SNX9: variants seen among roughly 807,000 people sequenced by gnomAD.
The protein encoded by SNX9 is sorting nexin-9.
SNX9 carries 44 observed loss-of-function variants against 89.4 expected under a neutral mutation model. That is an observed-to-expected ratio of 0.49 (90% CI 0.39 to 0.63). The LOEUF (loss-of-function observed/expected upper bound fraction) is 0.63, where lower values mean the gene tolerates loss of function less well. SNX9 is among the 30% of genes least tolerant of loss of function. The pLI is 0.00. For synonymous variants in SNX9, 236 were observed against 247.8 expected, an observed-to-expected ratio of 0.95 and a Z score of 0.45; for missense variants, 578 against 736.1, an observed-to-expected ratio of 0.79 and a Z score of 2.49.
chr6:157,841,013 G>A (rs772909806), intron 1 of SNX9, among the ~76,000 whole-genome samples: 8 of 152,136 alleles, frequency 5.3e-5, no homozygotes, highest in South Asian at 4.2e-4. Context: ...TTTCTCTTCC[G>A]ATGAGGGTCA....
chr6:157,909,199 C>T (rs900097459), intron 7 of SNX9, among the ~76,000 whole-genome samples: 3 of 152,104 alleles, frequency 2.0e-5, no homozygotes, highest in African/African-American at 7.2e-5. Context: ...CCTGATCCAC[C>T]GTGAGATAGG....
At chr6:157,938,791 T>C (rs1157874211) in intron 16 of SNX9, 44 bp downstream of exon 16, 2 of 1,476,454 alleles carry the variant, frequency 1.4e-6, no homozygotes, top group Non-Finnish European at 1.9e-6. Context: ...GAAGTTTTTT[T>C]TTCCCCAGCA....
At chr6:157,825,960 TATTAACTGATGA>T (rs1469424974) in intron 1 of SNX9, among the ~76,000 whole-genome samples, 123 of 152,318 alleles carry the variant, frequency 8.1e-4, no homozygotes, top group African/African-American at 2.9e-3. Flanking sequence ...TTGCTATAAG[TATTAACTGATGA>T]AAAGTAAATT....
In SNX9 at chr6:157,944,930, T is replaced by C. The variant is rs1784110855; in HGVS notation, c.*2092T>C. On this transcript the variant is annotated 3_prime_UTR_variant, in exon 18 of 18. Coordinates refer to ENST00000392185, the MANE Select transcript of SNX9 (RefSeq NM_016224.5). ...GAAGATTCTCCTTCAAGTGGCAACA[T>C]GGCATATATATCCTTCTCCGGGGAG... 1 of 152,258 alleles carries C rather than the reference T, an allele frequency of 6.6e-6. No homozygotes were observed. The highest frequency in any genetic ancestry group is 6.5e-5 in the Admixed American group (1 of 15,288). 9.4% of individuals were successfully genotyped at this position (152,258 alleles called of 1,614,324 possible).
At chr6:157,898,605 T>C (rs1783028749) in intron 5 of SNX9, among the ~76,000 whole-genome samples, 1 of 152,214 alleles carries the variant, frequency 6.6e-6, no homozygotes, top group Non-Finnish European at 1.5e-5. Flanking sequence ...TTGACTAGGC[T>C]ATGAATAGAA....
intron 13 of SNX9, among the ~76,000 whole-genome samples, chr6:157,933,319 G>A (rs1195882719): frequency 6.6e-6 from 1 of 152,096 alleles, no homozygotes; most frequent in Non-Finnish European, 1.5e-5. Context: ...AAAAGCATTT[G>A]TCAGCTAGGT....
At chr6:157,830,458 G>A (rs1781459558) in intron 1 of SNX9, 1 of 152,200 alleles carries the variant, frequency 6.6e-6, no homozygotes, top group South Asian at 2.1e-4. Context: ...CTCACTGGCT[G>A]TTTTTAACTT....
intron 10 of SNX9, among the ~76,000 whole-genome samples, chr6:157,925,958 T>A (rs138790027): frequency 6.6e-6 from 1 of 150,846 alleles, no homozygotes; most frequent in East Asian, 1.9e-4. Context: ...AAATGCTGAG[T>A]CCCCACATGG....
intron 6 of SNX9, among the ~76,000 whole-genome samples, chr6:157,902,649 CA>C (rs374190155): frequency 2.3e-3 from 341 of 146,432 alleles, no homozygotes; most frequent in African/African-American, 8.1e-3. Context: ...AGATTTAAAA[CA>C]AAAAAAAAAG....
chr6:157,886,032 GAGAC>G (rs1278223350), intron 4 of SNX9, among the ~76,000 whole-genome samples: 2 of 152,150 alleles, frequency 1.3e-5, no homozygotes, highest in Admixed American at 6.5e-5. Flanking sequence ...AGTTACGATG[GAGAC>G]AGACAGACGT....
chr6:157,895,800 C>G (rs994203359), intron 4 of SNX9, among the ~76,000 whole-genome samples: 2 of 152,060 alleles, frequency 1.3e-5, no homozygotes, highest in African/African-American at 4.8e-5. Flanking sequence ...GCACTAGGCC[C>G]CAGCAGACCA....
intron 9 of SNX9, among the ~76,000 whole-genome samples, chr6:157,917,493 C>T (rs1035647612): frequency 6.6e-6 from 1 of 152,006 alleles, no homozygotes; most frequent in African/African-American, 2.4e-5. Context: ...TTTTCATGTT[C>T]ATTCAGGTCA....
At chr6:157,936,697 T>G (rs1311004747) in intron 14 of SNX9, among the ~76,000 whole-genome samples, 3 of 152,180 alleles carry the variant, frequency 2.0e-5, no homozygotes, top group Non-Finnish European at 2.9e-5. Flanking sequence ...CCTGTATGAT[T>G]CTTAAGATTT....
intron 4 of SNX9, among the ~76,000 whole-genome samples, chr6:157,888,652 A>G (rs979583703): frequency 6.6e-6 from 1 of 152,160 alleles, no homozygotes; most frequent in African/African-American, 2.4e-5. Context: ...TCCTTCTTCC[A>G]TATATAAGGT....
At chr6:157,829,165 CATA>C (rs1479261959) in intron 1 of SNX9, 2 of 136,082 alleles carry the variant, frequency 1.5e-5, no homozygotes, top group Admixed American at 1.4e-4. Flanking sequence ...TTTTTTAAAA[CATA>C]ATCAATTTTA....
chr6:157,903,143 A>G (rs189600423), intron 6 of SNX9, among the ~76,000 whole-genome samples: 1 of 152,006 alleles, frequency 6.6e-6, no homozygotes, highest in African/African-American at 2.4e-5. Context: ...ATTTTCAAGT[A>G]CTCCTTCCAG....
intron 1 of SNX9, among the ~76,000 whole-genome samples, chr6:157,832,692 G>A (rs189311752): frequency 2.0e-4 from 30 of 152,244 alleles, no homozygotes; most frequent in Admixed American, 1.8e-3. Context: ...GAGCAAAAGG[G>A]GGAAAACCCT....
At chr6:157,939,833 T>G (rs1191040741) in intron 16 of SNX9, among the ~76,000 whole-genome samples, 1 of 152,152 alleles carries the variant, frequency 6.6e-6, no homozygotes, top group Non-Finnish European at 1.5e-5. Flanking sequence ...TAGAACAGTT[T>G]GCATGTCATG....
intron 5 of SNX9, 82 bp downstream of exon 5, chr6:157,897,080 T>C: frequency 1.5e-6 from 2 of 1,344,908 alleles, no homozygotes; most frequent in South Asian, 1.5e-5. Context: ...GTTTTTGCTG[T>C]TCCCACACTC....
Sources: allele counts gnomAD v4.1 joint callset (sites outside exome capture counted in the v4.1 genomes callset), GRCh38; gene constraint gnomAD v4.1.1; transcripts MANE v1.5; gene names NCBI Gene and HGNC (gene_info 2026-07-23, HGNC 2026-07-21).